RSF1: variants seen among roughly 807,000 people sequenced by gnomAD.
The protein encoded by RSF1 is remodeling and spacing factor 1.
In RSF1, 13 loss-of-function variants were observed where a neutral mutation model predicts 145.2. That is an observed-to-expected ratio of 0.09 (90% CI 0.06 to 0.14). RSF1 has a LOEUF of 0.14. Among genes scored for constraint, RSF1 ranks in the 10% least tolerant of loss-of-function variants. The pLI, the probability that RSF1 is intolerant of heterozygous loss-of-function variation, is 1.00. For missense variants in RSF1, 1,517 were observed against 1,718.2 expected (o/e 0.88, Z 2.07); for synonymous variants, 577 against 592.6 (o/e 0.97, Z 0.38).
chr11:77,811,064 T>C (rs146897673), intron 1 of RSF1, among the ~76,000 whole-genome samples: 1 of 152,312 alleles, frequency 6.6e-6, no homozygotes, highest in East Asian at 1.9e-4. Flanking sequence ...CCCAATACTT[T>C]AGGTTTTGAA....
At chr11:77,834,361 T>A in the RSF1 span, among the ~76,000 whole-genome samples, 6 of 151,946 alleles carry the variant, frequency 3.9e-5, no homozygotes, top group Non-Finnish European at 7.4e-5. Flanking sequence ...CTCTTAATTA[T>A]GATTTTATTA....
the RSF1 span, among the ~76,000 whole-genome samples, chr11:77,835,113 T>C: frequency 6.6e-6 from 1 of 152,222 alleles, no homozygotes; most frequent in Non-Finnish European, 1.5e-5. Context: ...TTAGAACAGA[T>C]AGATCTAGCA....
the RSF1 span, among the ~76,000 whole-genome samples, chr11:77,857,955 A>G: frequency 1.3e-5 from 2 of 152,032 alleles, no homozygotes; most frequent in Non-Finnish European, 2.9e-5. Flanking sequence ...TTGGCCCCCA[A>G]AGTGCTGGGA....
At chr11:77,867,494 T>C in the RSF1 span, among the ~76,000 whole-genome samples, 3,272 of 152,308 alleles carry the variant, frequency 0.021, 94 homozygotes, top group African/African-American at 0.069. Flanking sequence ...CATGGAACAT[T>C]TGGTTCATCT....
chr11:77,672,313 C>T, intron 14 of RSF1, 83 bp from the exon 15 acceptor site: 1 of 1,080,560 alleles, frequency 9.3e-7, no homozygotes, highest in Non-Finnish European at 1.3e-6. Flanking sequence ...GAAAAGCTAC[C>T]AAGCAGAGTT....
intron 2 of RSF1, among the ~76,000 whole-genome samples, chr11:77,759,295 G>C (rs1948147056): frequency 6.6e-6 from 1 of 152,204 alleles, no homozygotes; most frequent in Non-Finnish European, 1.5e-5. Flanking sequence ...AGGATCACTT[G>C]AGCCCAGGAG....
At chr11:77,834,542 G>C in the RSF1 span, among the ~76,000 whole-genome samples, 2 of 148,244 alleles carry the variant, frequency 1.3e-5, no homozygotes, top group African/African-American at 2.5e-5. Flanking sequence ...AGCCTCCTGA[G>C]TAGCTGGAAT....
At chr11:77,700,681 A>T in intron 6 of RSF1, 40 bp downstream of exon 6, 1 of 1,431,568 alleles carries the variant, frequency 7.0e-7, no homozygotes, top group Non-Finnish European at 9.3e-7. Flanking sequence ...ATTAATATAT[A>T]GAGACAAATA....
chr11:77,853,200 T>C, the RSF1 span, among the ~76,000 whole-genome samples: 1 of 152,242 alleles, frequency 6.6e-6, no homozygotes, highest in Non-Finnish European at 1.5e-5. Flanking sequence ...ATGTTTAAAT[T>C]TGTTAGTAAA....
intron 4 of RSF1, chr11:77,739,569 T>C (rs181613032): frequency 1.3e-5 from 2 of 152,328 alleles, no homozygotes; most frequent in East Asian, 3.9e-4. Flanking sequence ...GGAATGAAAA[T>C]TGAGCTTTTC....
At position 77,737,095 on chromosome 11, in the gene RSF1, T is replaced by C. The variant is rs555460516; in HGVS notation, c.578+3636A>G. 3.3e-5 allele frequency among the ~76,000 whole-genome samples: 5 copies of C among 152,322 alleles called. No individual in the cohort carries two copies. The South Asian group carries it at 1.0e-3, about 32-fold the overall frequency. On this transcript the variant is annotated intron_variant, in intron 4 of 15. Coordinates refer to ENST00000308488, the MANE Select transcript of RSF1 (RefSeq NM_016578.4). ...GAAACATATGTATTCACAGATGTCA[T>C]CAAAATGGCTAAAAATAACCTGGCA... is the stretch of plus-strand genomic sequence containing the variant.
At chr11:77,697,935 T>A (rs1438114525) in intron 7 of RSF1, among the ~76,000 whole-genome samples, 2 of 152,218 alleles carry the variant, frequency 1.3e-5, no homozygotes, top group Non-Finnish European at 2.9e-5. Context: ...AGGAAGGCAG[T>A]AAGGCCTTCA....
intron 1 of RSF1, among the ~76,000 whole-genome samples, chr11:77,795,199 G>C (rs1277397022): frequency 6.6e-6 from 1 of 151,976 alleles, no homozygotes; most frequent in African/African-American, 2.4e-5. Context: ...AACTGAAGAG[G>C]ACAAAAACAA....
At chr11:77,704,290 T>G (rs1180537925) in intron 5 of RSF1, among the ~76,000 whole-genome samples, 1 of 152,120 alleles carries the variant, frequency 6.6e-6, no homozygotes, top group African/African-American at 2.4e-5. Flanking sequence ...CCAGCCTGGG[T>G]GACAGAGTGA....
At chr11:77,839,155 T>C in the RSF1 span, among the ~76,000 whole-genome samples, 1 of 152,336 alleles carries the variant, frequency 6.6e-6, no homozygotes, top group Non-Finnish European at 1.5e-5. Flanking sequence ...AATTAATTTT[T>C]GGAGACAGAG....
At chr11:77,804,259 C>T (rs1001778057) in intron 1 of RSF1, among the ~76,000 whole-genome samples, 1 of 152,142 alleles carries the variant, frequency 6.6e-6, no homozygotes, top group African/African-American at 2.4e-5. Flanking sequence ...TATAATAAAG[C>T]CATAACTGTA....
upstream of RSF1, among the ~76,000 whole-genome samples, chr11:77,822,414 C>CAAAAAAA (rs66463325): frequency 4.0e-5 from 3 of 74,764 alleles, no homozygotes; most frequent in African/African-American, 5.0e-5. Flanking sequence ...GACTCCACCT[C>CAAAAAAA]AAAAAAAAAA....
intron 5 of RSF1, among the ~76,000 whole-genome samples, chr11:77,719,325 CT>C (rs1960891131): frequency 6.6e-6 from 1 of 152,244 alleles, no homozygotes; most frequent in South Asian, 2.1e-4. Context: ...AATTCTTGGT[CT>C]TTGTTATTCC....
At position 77,701,593 on chromosome 11, in the gene RSF1, T is replaced by A. The variant is rs1474484230; in HGVS notation, c.1636A>T (p.Met546Leu). The A allele has an allele frequency of 6.2e-7, 1 of 1,614,148 alleles. No individual in the cohort carries two copies. Among genetic ancestry groups the A allele is most frequent in the East Asian group, 2.2e-5 (1 of 44,886 alleles). The part of the protein sequence containing the change: ...EMETSLDSSE[M>L]AKDLSSKTAL... The stretch of plus-strand genomic sequence containing the variant: ...GTTTTTGAAGAGAGATCTTTTGCCA[T>A]CTCAGAAGAATCAAGAGAAGTTTCC... Residue 546 changes from methionine to leucine, a missense_variant, in exon 6 of 16, where the codon ATG becomes TTG. Transcript: ENST00000308488.
Sources: gnomAD v4.1 joint callset for allele counts (sites outside exome capture counted in the v4.1 genomes callset) on GRCh38, gnomAD v4.1.1 for gene constraint, MANE v1.5 for transcripts, NCBI Gene and HGNC (gene_info 2026-07-23, HGNC 2026-07-21) for gene names.